CDH23: variants seen among roughly 807,000 people sequenced by gnomAD.
CDH23 encodes the protein cadherin related 23.
CDH23 carries 189 observed loss-of-function variants against 317.1 expected under a neutral mutation model. The observed-to-expected ratio is 0.60, with a 90% CI of 0.53 to 0.67. The LOEUF is 0.67. Among genes scored for constraint, CDH23 ranks in the 30% least tolerant of loss-of-function variants. CDH23 has a pLI of 0.00. For missense variants in CDH23, 4,401 were observed against 4,592.4 expected (o/e 0.96, Z 1.20); for synonymous variants, 1,839 against 1,876.8 (o/e 0.98, Z 0.52).
chr10:71,739,739 G>A lies in CDH23; in HGVS notation c.4455G>A (p.Leu1485=), dbSNP rs753081348. The A allele has an allele frequency of 1.2e-6, 2 of 1,613,048 alleles. No individual in the cohort carries two copies. The highest frequency in any genetic ancestry group is 1.1e-5 in the South Asian group (1 of 91,020). ...SIGEVFVARP[L]DREELDHYIL... ...GCGAAGTGTTTGTGGCCAGGCCCCT[G>A]GACAGAGAAGAGCTGGATCACTACA... Residue 1485 remains leucine, a synonymous_variant, in exon 36 of 70, where the codon CTG becomes CTA. Coordinates refer to ENST00000224721, the MANE Select transcript of CDH23 (RefSeq NM_022124.6).
intron 12 of CDH23, among the ~76,000 whole-genome samples, chr10:71,645,347 T>C (rs964292981): frequency 1.3e-5 from 2 of 152,218 alleles, no homozygotes; most frequent in African/African-American, 4.8e-5. Context: ...GCTGGACACG[T>C]TCCAGAGGAG....
rs978259031 is a variant in CDH23 at position 71,427,844 on chromosome 10, C to T, written c.-5-11983C>T. 5.9e-5 allele frequency among the ~76,000 whole-genome samples: 9 copies of T among 151,632 alleles called. No homozygotes were observed. The East Asian group carries it at 1.8e-3, about 30-fold the overall frequency. On this transcript the variant is annotated intron_variant, in intron 1 of 69. Transcript: ENST00000224721. ...TCTCCTGCCTCAGCCTCCTGAGTAGCTGGGACTGCAGGCGCATGCTGCTAT... is the reference window on the plus strand; with the variant it reads ...TCTCCTGCCTCAGCCTCCTGAGTAGTTGGGACTGCAGGCGCATGCTGCTAT...
chr10:71,577,941 A>G lies in CDH23; in HGVS notation c.781A>G (p.Ile261Val). Residue 261 changes from isoleucine (I) to valine (V), a missense_variant, in exon 9 of 70, where the codon ATA becomes GTA. By Grantham distance (29) the Ile-to-Val change is conservative. Around this residue, in one of 3 missense-constraint regions of CDH23, gnomAD observed 3,068 missense variants for 3,203.3 expected, o/e 0.96. Transcript: ENST00000224721. ...CACGACGGTGCGCATCATCACCGCC[A>G]TAGACCAGGATAAAGGACGTCCCCG... ...PGTTVRIITAIDQDKGRPRGI... is the reference protein window; with the variant it reads ...PGTTVRIITAVDQDKGRPRGI... 1.2e-6 allele frequency: 2 copies of G among 1,605,390 alleles called. No homozygotes were observed. Among genetic ancestry groups the G allele is most frequent in the Non-Finnish European group, 1.7e-6 (2 of 1,176,130 alleles).
In CDH23 at chr10:71,545,380, C is replaced by T. The variant is rs570823111; in HGVS notation, c.430-21362C>T. On this transcript the variant is annotated intron_variant, in intron 6 of 69. Coordinates refer to ENST00000224721, the MANE Select transcript of CDH23 (RefSeq NM_022124.6). Reference sequence around the variant, plus strand: ...TTAAAAGTGAGACAGTTTGCACCTTCCACTTTCTCGGGCTGTCTTCAGGTT... The same window carrying T: ...TTAAAAGTGAGACAGTTTGCACCTTTCACTTTCTCGGGCTGTCTTCAGGTT... 3.3e-3 allele frequency among the ~76,000 whole-genome samples: 500 copies of T among 152,272 alleles called. 2 individuals are homozygous for T. The highest frequency in any genetic ancestry group is 5.8e-3 in the Non-Finnish European group (395 of 68,014).
rs112992448 is a variant in CDH23, at chr10:71,444,871, C to T, written c.68-1447C>T. Among the ~76,000 whole-genome samples the T allele has an allele frequency of 7.4e-4, 113 of 152,342 alleles. 1 individual carries two copies. The highest frequency in any genetic ancestry group is 2.6e-3 in the African/African-American group (110 of 41,580). On this transcript the variant is annotated intron_variant, in intron 2 of 69. Transcript: ENST00000224721. ...AGGGCTGAGCAGGTGCCCCTGATGG[C>T]AGGTGCTGCACAATGACAGTCCCAC...
chr10:71,436,364 T>C (rs12763836), intron 1 of CDH23, among the ~76,000 whole-genome samples: 58,788 of 152,276 alleles, frequency 0.39, 12,893 homozygotes, highest in East Asian at 0.5. Context: ...AAAGGCATTA[T>C]GCATGCATGT....
chr10:71,537,507 C>T (rs1159567825), intron 6 of CDH23, among the ~76,000 whole-genome samples: 1 of 152,168 alleles, frequency 6.6e-6, no homozygotes, highest in Non-Finnish European at 1.5e-5. Context: ...ACAGTGCAGC[C>T]AGGAGTAGCT....
intron 6 of CDH23, among the ~76,000 whole-genome samples, chr10:71,518,172 G>C (rs1030853935): frequency 6.6e-6 from 1 of 152,060 alleles, no homozygotes; most frequent in Non-Finnish European, 1.5e-5. Flanking sequence ...GTAAGTTAGG[G>C]GGGAATTATT....
intron 38 of CDH23, chr10:71,749,300 C>T (rs1839932769): frequency 6.6e-6 from 1 of 152,276 alleles, no homozygotes; most frequent in African/African-American, 2.4e-5. Context: ...CTCTTTCCTT[C>T]TTTCTTTCTT....
chr10:71,678,817 T>C (rs1864484783), intron 16 of CDH23, among the ~76,000 whole-genome samples: 1 of 152,152 alleles, frequency 6.6e-6, no homozygotes, highest in African/African-American at 2.4e-5. Context: ...TCATGCAACA[T>C]GCATGGATTA....
intron 1 of CDH23, among the ~76,000 whole-genome samples, chr10:71,425,531 C>T (rs529575191): frequency 3.3e-5 from 5 of 152,342 alleles, no homozygotes; most frequent in African/African-American, 1.2e-4. Flanking sequence ...GGTCTAGAGC[C>T]AGCCCCGCCC....
intron 6 of CDH23, 165 bp downstream of exon 6, chr10:71,511,377 G>C: frequency 4.3e-6 from 3 of 689,780 alleles, no homozygotes; most frequent in African/African-American, 1.8e-5. Context: ...CTGGTACCCT[G>C]GGAATCGGGG....
rs1255452138 is a variant in CDH23, at chr10:71,643,873, G to A, written c.1140+7G>A. 1.3e-6 allele frequency: 1 copy of A among 766,068 alleles called. No homozygotes were observed. Among genetic ancestry groups the A allele is most frequent in the Non-Finnish European group, 2.4e-6 (1 of 417,782 alleles). The allele number at this position is 766,068 out of a possible 1,614,324, so 47.5% of individuals were successfully genotyped here. A position where few individuals can be genotyped will look rare whatever the true frequency, so the allele number is the denominator to read the frequency against. On this transcript the variant is annotated splice_region_variant and intron_variant, in intron 12 of 69. Coordinates refer to ENST00000224721, the MANE Select transcript of CDH23 (RefSeq NM_022124.6). ...CTCCCATTGACAGAATTTGGTAAGT[G>A]AGCCTCTGAAGGGCAGGGGTTGGGC...
At chr10:71,425,098 A>C (rs1005357342) in intron 1 of CDH23, among the ~76,000 whole-genome samples, 1 of 151,872 alleles carries the variant, frequency 6.6e-6, no homozygotes, top group African/African-American at 2.4e-5. Flanking sequence ...ACCTAATGTC[A>C]GTGAAGAGGG....
At position 71,814,975 on chromosome 10, in the gene CDH23, G is replaced by C; in HGVS notation, c.9762G>C (p.Glu3254Asp). 6.2e-7 allele frequency: 1 copy of C among 1,612,258 alleles called. No homozygotes were observed. Among genetic ancestry groups the C allele is most frequent in the Non-Finnish European group, 8.5e-7 (1 of 1,179,506 alleles). ...ISELIQTELD[E>D]EPGDHSPGQG... ...AGCTGATACAGACTGAGCTGGACGAGGAGCCAGGAGACCACAGCCCAGGGC... is the reference window on the plus strand; with the variant it reads ...AGCTGATACAGACTGAGCTGGACGACGAGCCAGGAGACCACAGCCCAGGGC... Residue 3254 changes from glutamate (E) to aspartate (D), a missense_variant, in exon 70 of 70, where the codon GAG (glutamate) becomes GAC (aspartate). Coordinates refer to ENST00000224721, the MANE Select transcript of CDH23 (RefSeq NM_022124.6).
At chr10:71,464,421 C>T (rs1269342607) in intron 3 of CDH23, among the ~76,000 whole-genome samples, 2 of 152,200 alleles carry the variant, frequency 1.3e-5, no homozygotes, top group Non-Finnish European at 2.9e-5. Flanking sequence ...GGCAGCCTGT[C>T]TGTGTCTCCC....
At chr10:71,497,035 C>T (rs1206447843) in intron 3 of CDH23, among the ~76,000 whole-genome samples, 4 of 152,142 alleles carry the variant, frequency 2.6e-5, no homozygotes, top group African/African-American at 4.8e-5. Context: ...GATGGGTTCA[C>T]GAGTGCAGCC....
chr10:71,629,812 G>A (rs1020283102), intron 11 of CDH23, among the ~76,000 whole-genome samples: 3 of 152,132 alleles, frequency 2.0e-5, no homozygotes, highest in East Asian at 1.9e-4. Flanking sequence ...GGTTGCCAAG[G>A]GTTGGGGGAG....
At chr10:71,725,071 C>T (rs1240911530) in intron 29 of CDH23, among the ~76,000 whole-genome samples, 3 of 152,070 alleles carry the variant, frequency 2.0e-5, no homozygotes, top group African/African-American at 4.8e-5. Flanking sequence ...AGGAGCAGGG[C>T]GAGGGGGACC....
Sources: allele counts gnomAD v4.1 joint callset (sites outside exome capture counted in the v4.1 genomes callset), GRCh38; gene constraint gnomAD v4.1.1; regional missense constraint gnomAD v4.1.1; transcripts MANE v1.5; gene names NCBI Gene and HGNC (gene_info 2026-07-23, HGNC 2026-07-21).